Variants in OTUD4 observed in about 807,000 individuals in gnomAD.
OTUD4 encodes the protein OTU deubiquitinase 4, also known as OTU domain-containing protein 4.
Under a neutral mutation model 130.4 loss-of-function variants are expected in OTUD4, and 24 were observed. The ratio of observed to expected loss-of-function variants is 0.18; its 90% CI spans 0.13 to 0.26. The LOEUF is 0.26. Ranked by LOEUF, OTUD4 falls within the 10% of genes least tolerant of loss-of-function variation. The probability of loss-of-function intolerance (pLI) is 1.00; values close to 1 mark genes in which losing one functional copy is unlikely to be tolerated. For missense variants in OTUD4, 1,031 were observed against 1,329.4 expected (o/e 0.78, Z 3.49); for synonymous variants, 420 against 472.5 (o/e 0.89, Z 1.44).
Position 145,180,481 on chromosome 4 carries a change from G to A in OTUD4, c.-508C>T, listed in dbSNP as rs1053291036. ...ACGCGGCCTTTCGTTTCCCCACCTC[G>A]CTGGAGGGCGCCGGAGGGGCAGGGA... On this transcript the variant is annotated 5_prime_UTR_variant, in exon 1 of 21. Coordinates refer to ENST00000447906, the MANE Select transcript of OTUD4 (RefSeq NM_001366057.1). Among the ~76,000 whole-genome samples, 3 of 152,344 alleles carry A rather than the reference G, an allele frequency of 2.0e-5. No homozygotes were observed. Among genetic ancestry groups the A allele is most frequent in the African/African-American group, 7.2e-5 (3 of 41,596 alleles).
At chr4:145,141,708 C>T (rs969515295) in intron 18 of OTUD4, 69 bp from the exon 19 acceptor site, 4 of 1,374,508 alleles carry the variant, frequency 2.9e-6, no homozygotes, top group Non-Finnish European at 3.9e-6. Context: ...CTTACATTAA[C>T]CTATAAAGAA....
At chr4:145,160,565 C>T (rs1751507852) in intron 6 of OTUD4, among the ~76,000 whole-genome samples, 1 of 152,208 alleles carries the variant, frequency 6.6e-6, no homozygotes, top group South Asian at 2.1e-4. Context: ...GTAATCCCAA[C>T]ACTTTGGGAG....
chr4:145,157,684 CAAAAAAAAAAAA>C (rs923938636), intron 7 of OTUD4, among the ~76,000 whole-genome samples: 645 of 44,122 alleles, frequency 0.015, 13 homozygotes, highest in African/African-American at 0.051. Context: ...AACTCCGTCT[CAAAAAAAAAAAA>C]AAAAAAAAAA....
At chr4:145,148,682 TCTTTAAATCA>T (rs1033781390) in intron 13 of OTUD4, among the ~76,000 whole-genome samples, 2 of 152,220 alleles carry the variant, frequency 1.3e-5, no homozygotes, top group African/African-American at 4.8e-5. Context: ...TCTTTATTAA[TCTTTAAATCA>T]CTAAAGAGTA....
chr4:145,134,965 A>G lies in OTUD4; in HGVS notation c.*2465T>C, dbSNP rs963127926. 5.0e-6 allele frequency: 2 copies of G among 397,922 alleles called. No individual in the cohort carries two copies. Among genetic ancestry groups the G allele is most frequent in the African/African-American group, 4.1e-5 (2 of 48,612 alleles). The allele number at this position is 397,922 out of a possible 1,614,324, so 24.6% of individuals were successfully genotyped here. A position where few individuals can be genotyped will look rare whatever the true frequency, so the allele number is the denominator to read the frequency against. On this transcript the variant is annotated 3_prime_UTR_variant, in exon 21 of 21. Coordinates refer to ENST00000447906, the MANE Select transcript of OTUD4 (RefSeq NM_001366057.1). The stretch of plus-strand genomic sequence containing the variant: ...TTTGCCTCTATTCTCTTATAAAGAA[A>G]TATGTCAACATAACAGTATGACATA...
intron 1 of OTUD4, 43 bp downstream of exon 1, chr4:145,179,756 CAGACCCGCCGGGCCGT>C: frequency 6.9e-7 from 1 of 1,447,038 alleles, no homozygotes; most frequent in Non-Finnish European, 9.1e-7. Context: ...CCTCCCCACC[CAGACCCGCCGGGCCGT>C]CCCCGCCTCC....
At chr4:145,179,601 C>A in intron 1 of OTUD4, 1 of 1,381,800 alleles carries the variant, frequency 7.2e-7, no homozygotes, top group East Asian at 3.0e-5. Context: ...AGAGAGACAC[C>A]CCGTTAATTT....
rs1752635819 is a variant in OTUD4, at chr4:145,180,359, C to A, written c.-386G>T. Among the ~76,000 whole-genome samples, 1 of 152,286 alleles carries A rather than the reference C, an allele frequency of 6.6e-6. No homozygotes were observed. The highest frequency in any genetic ancestry group is 2.1e-4 in the South Asian group (1 of 4,834). ...CGTACCGGTGTGAAGCGAGAAAACC[C>A]CCGCCCCTGGCGCGCACGCTGGGCC... On this transcript the variant is annotated 5_prime_UTR_variant, in exon 1 of 21. Coordinates refer to ENST00000447906, the MANE Select transcript of OTUD4 (RefSeq NM_001366057.1).
At chr4:145,169,808 T>C (rs1480403694) in intron 3 of OTUD4, among the ~76,000 whole-genome samples, 1 of 152,198 alleles carries the variant, frequency 6.6e-6, no homozygotes, top group African/African-American at 2.4e-5. Flanking sequence ...GATTTATAAA[T>C]ATTTGTTGCT....
chr4:145,153,288 G>A (rs929132793), intron 10 of OTUD4, among the ~76,000 whole-genome samples: 3 of 152,168 alleles, frequency 2.0e-5, no homozygotes, highest in African/African-American at 7.2e-5. Flanking sequence ...TGGTTCTGAA[G>A]GCAGGGCTGT....
chr4:145,144,210 TACTTAACA>T, intron 15 of OTUD4, 93 bp downstream of exon 15: 1 of 1,302,052 alleles, frequency 7.7e-7, no homozygotes, highest in Non-Finnish European at 1.1e-6. Context: ...TTAGATAAAC[TACTTAACA>T]ACTTAAAAAG....
Position 145,173,989 on chromosome 4 carries a change from T to C in OTUD4, c.243+672A>G, listed in dbSNP as rs1227921289. Among the ~76,000 whole-genome samples, 3 of 152,060 alleles carry C rather than the reference T, an allele frequency of 2.0e-5. No homozygotes were observed. In the East Asian group the frequency reaches 5.8e-4, roughly 29 times the overall value. ...GCATTACTTACACTCAGCGTATTTT[T>C]TACACTGCAAGTCTGAATTTTTTTT... On this transcript the variant is annotated intron_variant, in intron 2 of 20. Transcript: ENST00000447906.
In OTUD4 at chr4:145,137,160, T is replaced by TA. The variant is rs1169433515; in HGVS notation, c.*269dup. On this transcript the variant is annotated 3_prime_UTR_variant, in exon 21 of 21. Coordinates refer to ENST00000447906, the MANE Select transcript of OTUD4 (RefSeq NM_001366057.1). ...TTTATATTAAGCTGTTTATAAAAAA[T>TA]ACTTTAACAAACTTATCTTCTACTT... 3.1e-6 allele frequency: 1 copy of TA among 327,386 alleles called. No individual in the cohort carries two copies. Among genetic ancestry groups the TA allele is most frequent in the Non-Finnish European group, 5.6e-6 (1 of 179,792 alleles). 20.3% of individuals were successfully genotyped at this position (327,386 alleles called of 1,614,324 possible).
chr4:145,161,135 C>T (rs1409729823), intron 6 of OTUD4, among the ~76,000 whole-genome samples: 1 of 151,922 alleles, frequency 6.6e-6, no homozygotes, highest in African/African-American at 2.4e-5. Flanking sequence ...ACAACAACAA[C>T]AACAACAAAC....
At chr4:145,178,339 C>T (rs577689885) in intron 1 of OTUD4, among the ~76,000 whole-genome samples, 1 of 152,276 alleles carries the variant, frequency 6.6e-6, no homozygotes, top group East Asian at 1.9e-4. Flanking sequence ...CTTCCCTTAC[C>T]GCCATTTATT....
At chr4:145,142,598 C>T (rs1002441083) in intron 17 of OTUD4, among the ~76,000 whole-genome samples, 1 of 152,234 alleles carries the variant, frequency 6.6e-6, no homozygotes, top group African/African-American at 2.4e-5. Context: ...GTTGCCCAGG[C>T]TAGTCTCAAA....
At position 145,141,610 on chromosome 4, in the gene OTUD4, C is replaced by G; in HGVS notation, c.1852G>C (p.Val618Leu). ...GVPAPIPVLS[V>L]TQTLTTGPDS... ...GGTCCAGTGGTCAAAGTCTGTGTCACTGACAAAACGGGAATTGGAGCAGGG... is the reference window on the plus strand; with the variant it reads ...GGTCCAGTGGTCAAAGTCTGTGTCAGTGACAAAACGGGAATTGGAGCAGGG... Residue 618 changes from valine to leucine, a missense_variant, in exon 19 of 21, where the codon GTG (valine) becomes CTG (leucine). Val to Leu is a conservative substitution (Grantham distance 32). This residue lies in a region of OTUD4 where 900 missense variants were observed against 1,095.9 expected (regional missense o/e 0.82). Coordinates refer to ENST00000447906, the MANE Select transcript of OTUD4 (RefSeq NM_001366057.1). The G allele has an allele frequency of 6.5e-7, 1 of 1,548,780 alleles. No homozygotes were observed. The highest frequency in any genetic ancestry group is 1.2e-5 in the South Asian group (1 of 80,548).
At chr4:145,164,705 T>C (rs1018661327) in intron 4 of OTUD4, among the ~76,000 whole-genome samples, 1 of 151,894 alleles carries the variant, frequency 6.6e-6, no homozygotes, top group African/African-American at 2.4e-5. Flanking sequence ...ATTTTCAAAT[T>C]AGGGATGCTC....
At chr4:145,145,311 T>C (rs935609155) in intron 14 of OTUD4, among the ~76,000 whole-genome samples, 1 of 152,168 alleles carries the variant, frequency 6.6e-6, no homozygotes, top group Non-Finnish European at 1.5e-5. Flanking sequence ...ATGTACGGAT[T>C]TGGGCACTTC....
Sources: allele counts gnomAD v4.1 joint callset (sites outside exome capture counted in the v4.1 genomes callset), GRCh38; gene constraint gnomAD v4.1.1; regional missense constraint gnomAD v4.1.1; transcripts MANE v1.5; gene names NCBI Gene and HGNC (gene_info 2026-07-23, HGNC 2026-07-21).